DEPDC1B: variants seen among roughly 807,000 people sequenced by gnomAD.
The protein encoded by DEPDC1B is DEP domain containing 1B, also known as DEP domain-containing protein 1B.
DEPDC1B carries 51 observed loss-of-function variants against 66.5 expected under a neutral mutation model. The ratio of observed to expected loss-of-function variants is 0.77; its 90% confidence interval spans 0.61 to 0.97. DEPDC1B has a LOEUF of 0.97. DEPDC1B is among the 50% of genes least tolerant of loss of function. The probability of loss-of-function intolerance (pLI) is 0.00; values close to 1 mark genes in which losing one functional copy is unlikely to be tolerated. For synonymous variants in DEPDC1B, 226 were observed against 223.6 expected, an observed-to-expected ratio of 1.01 and a Z score of -0.10; for missense variants, 552 against 637.1, an observed-to-expected ratio of 0.87 and a Z score of 1.44.
At chr5:60,639,225 A>G (rs767910565) in intron 6 of DEPDC1B, among the ~76,000 whole-genome samples, 2 of 152,230 alleles carry the variant, frequency 1.3e-5, no homozygotes, top group African/African-American at 4.8e-5. Flanking sequence ...AAATGTAAAC[A>G]ATAATTTTCT....
intron 7 of DEPDC1B, among the ~76,000 whole-genome samples, chr5:60,611,694 C>T (rs887227685): frequency 2.6e-5 from 4 of 152,180 alleles, no homozygotes; most frequent in African/African-American, 9.7e-5. Flanking sequence ...AAGCCCCACC[C>T]TAACCTAGAG....
At chr5:60,645,244 T>C (rs1398665833) in intron 4 of DEPDC1B, among the ~76,000 whole-genome samples, 2 of 152,244 alleles carry the variant, frequency 1.3e-5, no homozygotes, top group Non-Finnish European at 2.9e-5. Flanking sequence ...CATCAGTATC[T>C]AGGAGACCAA....
At position 60,605,859 on chromosome 5, in the gene DEPDC1B, G is replaced by T; in HGVS notation, c.899-3C>A. ...CACTTTCTCCTTCTGTAACAAACCTGATTTAGAAAAAAAAAAATGTTATCT... is the reference window on the plus strand; with the variant it reads ...CACTTTCTCCTTCTGTAACAAACCTTATTTAGAAAAAAAAAAATGTTATCT... On this transcript the variant is annotated splice_polypyrimidine_tract_variant and splice_region_variant and intron_variant, in intron 7 of 10. Coordinates refer to ENST00000265036, the MANE Select transcript of DEPDC1B (RefSeq NM_018369.3). The T allele has an allele frequency of 6.3e-7, 1 of 1,582,108 alleles. No individual in the cohort carries two copies. Among genetic ancestry groups the T allele is most frequent in the Non-Finnish European group, 8.6e-7 (1 of 1,168,558 alleles).
At chr5:60,698,293 C>T (rs568572829) in intron 1 of DEPDC1B, among the ~76,000 whole-genome samples, 1 of 152,312 alleles carries the variant, frequency 6.6e-6, no homozygotes, top group South Asian at 2.1e-4. Context: ...GCCACCCTGC[C>T]CATCAAGAAG....
At chr5:60,656,370 G>A (rs2124753) in intron 2 of DEPDC1B, among the ~76,000 whole-genome samples, 10,873 of 151,762 alleles carry the variant, frequency 0.072, 660 homozygotes, top group East Asian at 0.2. Flanking sequence ...CTGTGGTCTC[G>A]ATCTCCTGAC....
rs1192447206 is a variant in DEPDC1B at position 60,699,671 on chromosome 5, C to G, written c.48+375G>C. ...GAGACACGCCCTGCCTGGACTGCCG[C>G]GAACGCTGAGCGTTACGGGGTACGT... On this transcript the variant is annotated intron_variant, in intron 1 of 10. Transcript: ENST00000265036. Among the ~76,000 whole-genome samples, 4 of 152,232 alleles carry G rather than the reference C, an allele frequency of 2.6e-5. No individual in the cohort carries two copies. In the East Asian group the frequency reaches 7.7e-4, roughly 29 times the overall value.
At chr5:60,630,711 A>G (rs1193870728) in intron 7 of DEPDC1B, 1 of 152,662 alleles carries the variant, frequency 6.6e-6, no homozygotes. Context: ...GCTCTTTAGC[A>G]CTTAGGAGCT....
At chr5:60,692,270 T>A (rs1754562592) in intron 1 of DEPDC1B, among the ~76,000 whole-genome samples, 1 of 152,136 alleles carries the variant, frequency 6.6e-6, no homozygotes, top group Non-Finnish European at 1.5e-5. Context: ...TATCTTGACA[T>A]CATGGTGAAG....
rs72755163 is a variant in DEPDC1B, at chr5:60,675,535, G to A, written c.314+11427C>T. On this transcript the variant is annotated intron_variant, in intron 2 of 10. Coordinates refer to ENST00000265036, the MANE Select transcript of DEPDC1B (RefSeq NM_018369.3). Reference sequence around the variant, plus strand: ...AGTTACAGTTACATTCCAAGCCTCTGTAAGCAGATGCTAAACATTAACAAA... The same window carrying A: ...AGTTACAGTTACATTCCAAGCCTCTATAAGCAGATGCTAAACATTAACAAA... Among the ~76,000 whole-genome samples, 518 of 152,350 alleles carry A rather than the reference G, an allele frequency of 3.4e-3. 1 individual carries two copies. The highest frequency in any genetic ancestry group is 5.7e-3 in the Admixed American group (87 of 15,304).
intron 2 of DEPDC1B, among the ~76,000 whole-genome samples, chr5:60,681,687 A>T (rs1438650792): frequency 6.6e-6 from 1 of 152,228 alleles, no homozygotes; most frequent in Non-Finnish European, 1.5e-5. Context: ...TCTGAAAAAG[A>T]ATTTCAAATA....
intron 1 of DEPDC1B, among the ~76,000 whole-genome samples, chr5:60,688,516 A>C (rs966869025): frequency 2.6e-5 from 4 of 152,208 alleles, no homozygotes; most frequent in Non-Finnish European, 5.9e-5. Context: ...ACCAGATGAG[A>C]TAATGTTGAT....
intron 6 of DEPDC1B, among the ~76,000 whole-genome samples, 198 bp from the exon 7 acceptor site, chr5:60,639,088 A>T (rs908982288): frequency 6.6e-6 from 1 of 152,244 alleles, no homozygotes; most frequent in African/African-American, 2.4e-5. Flanking sequence ...CATTTTGCCT[A>T]CACAAATATG....
At chr5:60,653,987 A>AT (rs1163024058) in intron 2 of DEPDC1B, among the ~76,000 whole-genome samples, 5 of 149,246 alleles carry the variant, frequency 3.4e-5, no homozygotes, top group African/African-American at 1.0e-4. Context: ...CAGCAATACC[A>AT]TGCTGTTTTG....
rs753413337 is a variant in DEPDC1B, at chr5:60,645,598, G to A, written c.472C>T (p.Arg158Cys). 1.7e-5 allele frequency: 27 copies of A among 1,611,146 alleles called. No individual in the cohort carries two copies. Among genetic ancestry groups the A allele is most frequent in the East Asian group, 1.1e-4 (5 of 44,802 alleles). ...VVMNSEMWYK[R>C]HSIAIGEVPA... is the part of the protein sequence containing the mutation. Reference sequence around the variant, plus strand: ...ACCTCTCCAATTGCAATACTGTGACGCTTGTACCACATCTCAGAATTCTAA... The same window carrying A: ...ACCTCTCCAATTGCAATACTGTGACACTTGTACCACATCTCAGAATTCTAA... Residue 158 changes from arginine (R) to cysteine (C), a missense_variant, in exon 4 of 11, where the codon CGT (arginine) becomes TGT (cysteine). By Grantham distance (180) the Arg-to-Cys change is radical (BLOSUM62 -3). Transcript: ENST00000265036.
intron 9 of DEPDC1B, among the ~76,000 whole-genome samples, chr5:60,599,892 C>G (rs553392852): frequency 1.3e-5 from 2 of 148,532 alleles, no homozygotes; most frequent in African/African-American, 5.1e-5. Context: ...CTGTAAGACC[C>G]CTGATTTCCC....
intron 2 of DEPDC1B, among the ~76,000 whole-genome samples, chr5:60,657,315 G>T (rs184970422): frequency 6.6e-6 from 1 of 151,762 alleles, no homozygotes; most frequent in Non-Finnish European, 1.5e-5. Flanking sequence ...GAGAAGTGAG[G>T]TACTATTCTA....
rs190045142 is a variant in DEPDC1B, at chr5:60,618,558, G to A, written c.899-12702C>T. ...TCTGGAAGAAATGGATAAATTCCTC[G>A]ATACATACACTCTCCCAAAACTAAA... On this transcript the variant is annotated intron_variant, in intron 7 of 10. Coordinates refer to ENST00000265036, the MANE Select transcript of DEPDC1B (RefSeq NM_018369.3). Among the ~76,000 whole-genome samples the A allele has an allele frequency of 1.5e-3, 232 of 152,234 alleles. 1 individual carries two copies. The highest frequency in any genetic ancestry group is 3.4e-3 in the Middle Eastern group (1 of 294).
intron 8 of DEPDC1B, among the ~76,000 whole-genome samples, chr5:60,604,974 C>A (rs1486533309): frequency 6.6e-6 from 1 of 152,182 alleles, no homozygotes; most frequent in South Asian, 2.1e-4. Flanking sequence ...CCAGGGAGTA[C>A]ACGGTGTTTT....
rs757276125 is a variant in DEPDC1B, at chr5:60,603,559, C to T, written c.1074G>A (p.Gln358=). 1.9e-6 allele frequency: 3 copies of T among 1,594,642 alleles called. No homozygotes were observed. The highest frequency in any genetic ancestry group is 3.4e-4 in the Middle Eastern group (2 of 5,944). The change falls in exon 9 of 11, where the codon CAG becomes CAA. Residue 358 remains glutamine (Q), a synonymous_variant. Transcript: ENST00000265036. Reference sequence around the variant, plus strand: ...AACACAAGATGCAACGGGAAAATGTCTGAACCATCTAAAAAAAGAGCGGGG... The same window carrying T: ...AACACAAGATGCAACGGGAAAATGTTTGAACCATCTAAAAAAAGAGCGGGG... ...DGFGTRTLMV[Q]TFSRCILCSK...
Sources: allele counts gnomAD v4.1 joint callset (sites outside exome capture counted in the v4.1 genomes callset), GRCh38; gene constraint gnomAD v4.1.1; transcripts MANE v1.5; gene names NCBI Gene and HGNC (gene_info 2026-07-23, HGNC 2026-07-21).